The following RBFOX1 variants were observed in gnomAD, a reference collection of about 807,000 sequenced individuals.
RBFOX1 encodes RNA binding fox-1 homolog 1.
Under a neutral mutation model 57.7 loss-of-function variants are expected in RBFOX1, and 8 were observed. That is an observed-to-expected ratio of 0.14 (90% CI 0.08 to 0.25). RBFOX1 has a LOEUF of 0.25. Among genes scored for constraint, RBFOX1 ranks in the 10% least tolerant of loss-of-function variants. The pLI is 1.00. For synonymous variants in RBFOX1, 326 were observed against 222.4 expected, an observed-to-expected ratio of 1.47 and a Z score of -4.15; for missense variants, 611 against 548.5, an observed-to-expected ratio of 1.11 and a Z score of -1.14.
At chr16:7,494,909 C>T (rs1228202757) in intron 4 of RBFOX1, among the ~76,000 whole-genome samples, 1 of 138,884 alleles carries the variant, frequency 7.2e-6, no homozygotes, top group African/African-American at 2.7e-5. Flanking sequence ...AGGATTGTTA[C>T]ATGGGTATAT....
chr16:5,871,089 G>C (rs1360475222), intron 4 of RBFOX1, among the ~76,000 whole-genome samples: 1 of 152,148 alleles, frequency 6.6e-6, no homozygotes, highest in East Asian at 1.9e-4. Flanking sequence ...CAAGCTGTTT[G>C]TGCCAATAAA....
At chr16:7,244,615 G>A (rs533235778) in intron 4 of RBFOX1, among the ~76,000 whole-genome samples, 5 of 152,198 alleles carry the variant, frequency 3.3e-5, no homozygotes, top group South Asian at 2.1e-4. Context: ...CCTAGGGCTC[G>A]AGTTAGATTC....
chr16:5,464,079 C>A (rs913492681), intron 1 of RBFOX1, among the ~76,000 whole-genome samples: 1 of 152,136 alleles, frequency 6.6e-6, no homozygotes, highest in African/African-American at 2.4e-5. Context: ...GGGCTTCAGG[C>A]TCAATGGGCT....
intron 1 of RBFOX1, among the ~76,000 whole-genome samples, chr16:5,269,357 GA>G (rs1180715537): frequency 6.6e-6 from 1 of 152,178 alleles, no homozygotes; most frequent in Non-Finnish European, 1.5e-5. Context: ...GTCTTCCTTG[GA>G]GATGTGCCAT....
chr16:6,172,719 A>C (rs1598044718), intron 1 of RBFOX1, among the ~76,000 whole-genome samples: 1 of 152,202 alleles, frequency 6.6e-6, no homozygotes, highest in Non-Finnish European at 1.5e-5. Flanking sequence ...TATAGAGTAC[A>C]TCACAAACAA....
intron 14 of RBFOX1, among the ~76,000 whole-genome samples, chr16:7,680,145 T>C (rs1428673343): frequency 6.6e-6 from 1 of 152,154 alleles, no homozygotes; most frequent in Non-Finnish European, 1.5e-5. Context: ...GACAGGTCCA[T>C]CACATCAGCT....
At chr16:6,213,395 C>G (rs559611767) in intron 1 of RBFOX1, among the ~76,000 whole-genome samples, 1 of 152,006 alleles carries the variant, frequency 6.6e-6, no homozygotes, top group African/African-American at 2.4e-5. Context: ...TCTCTTAGCC[C>G]CATTCTGGCA....
intron 1 of RBFOX1, among the ~76,000 whole-genome samples, chr16:5,314,708 C>G (rs180885084): frequency 2.0e-5 from 3 of 151,976 alleles, no homozygotes; most frequent in East Asian, 3.9e-4. Context: ...GTTATGTTGC[C>G]TAGGCTGGCC....
intron 1 of RBFOX1, among the ~76,000 whole-genome samples, chr16:6,164,113 G>A (rs1023303267): frequency 3.9e-5 from 6 of 152,116 alleles, no homozygotes. Context: ...CTCTTTTGTT[G>A]TGTTTTATAT....
intron 3 of RBFOX1, among the ~76,000 whole-genome samples, chr16:6,795,690 C>A (rs1360178834): frequency 6.6e-6 from 1 of 151,506 alleles, no homozygotes; most frequent in Non-Finnish European, 1.5e-5. Context: ...CGCTTGAAAC[C>A]AGAAGGCAGA....
Position 5,460,888 on chromosome 16 carries a change from G to A in RBFOX1, c.220-6328G>A, listed in dbSNP as rs537166037. On this transcript the variant is annotated intron_variant, in intron 1 of 2. Coordinates refer to the RBFOX1 transcript ENST00000585867. ...ACCTGGCTGGCACTGTTTTGGCATC[G>A]CGTAGTAGCGATTACACATATTGTC... is the stretch of plus-strand genomic sequence containing the variant. 7.5e-4 allele frequency among the ~76,000 whole-genome samples: 114 copies of A among 152,284 alleles called. 1 individual carries two copies. The highest frequency in any genetic ancestry group is 6.9e-3 in the Admixed American group (105 of 15,292).
intron 4 of RBFOX1, among the ~76,000 whole-genome samples, chr16:7,144,523 C>T (rs2074537233): frequency 6.8e-6 from 1 of 148,074 alleles, no homozygotes; most frequent in African/African-American, 2.5e-5. Flanking sequence ...GTCCCAGGCT[C>T]AAGCGATGTT....
intron 4 of RBFOX1, among the ~76,000 whole-genome samples, chr16:7,398,946 C>G (rs1457686362): frequency 6.6e-6 from 1 of 152,202 alleles, no homozygotes; most frequent in Admixed American, 6.5e-5. Flanking sequence ...TAGAAATTTA[C>G]TCTCTTCCAA....
intron 2 of RBFOX1, among the ~76,000 whole-genome samples, chr16:6,588,389 A>T (rs1396450072): frequency 6.6e-6 from 1 of 152,046 alleles, no homozygotes; most frequent in Non-Finnish European, 1.5e-5. Context: ...GCGATGGCTC[A>T]CGCCTGTAAT....
chr16:6,235,495 A>G (rs555954394), intron 1 of RBFOX1, among the ~76,000 whole-genome samples: 3 of 151,722 alleles, frequency 2.0e-5, no homozygotes, highest in South Asian at 2.1e-4. Flanking sequence ...AAAATATAGA[A>G]CCAGCCCAAA....
At chr16:7,083,192 C>T (rs2059459170) in intron 4 of RBFOX1, among the ~76,000 whole-genome samples, 1 of 152,174 alleles carries the variant, frequency 6.6e-6, no homozygotes, top group South Asian at 2.1e-4. Flanking sequence ...AGGGGACAGT[C>T]CACGGAATGT....
chr16:6,879,855 G>C (rs763593092), intron 3 of RBFOX1, among the ~76,000 whole-genome samples: 4 of 152,112 alleles, frequency 2.6e-5, no homozygotes, highest in Non-Finnish European at 5.9e-5. Flanking sequence ...GAGACATTTT[G>C]AATTATCTCA....
chr16:6,940,349 G>A (rs1013575082), intron 3 of RBFOX1, among the ~76,000 whole-genome samples: 1 of 152,142 alleles, frequency 6.6e-6, no homozygotes, highest in Admixed American at 6.5e-5. Context: ...AAAAGCAAAA[G>A]CTCAAACTAC....
chr16:6,051,330 T>C (rs1419355157), intron 1 of RBFOX1, among the ~76,000 whole-genome samples: 1 of 151,914 alleles, frequency 6.6e-6, no homozygotes, highest in African/African-American at 2.4e-5. Flanking sequence ...AGAGTTTTCT[T>C]TCTTTCCTTT....
Sources: gnomAD v4.1 joint callset for allele counts (sites outside exome capture counted in the v4.1 genomes callset) on GRCh38, gnomAD v4.1.1 for gene constraint, MANE v1.5 for transcripts, NCBI Gene and HGNC (gene_info 2026-07-23, HGNC 2026-07-21) for gene names.